The following SLC16A4 variants were observed in gnomAD, a reference collection of about 807,000 sequenced individuals.
SLC16A4 encodes probable monocarboxylate transporter 5.
A neutral mutation model predicts 47.9 loss-of-function variants in SLC16A4; 39 were observed. The observed-to-expected ratio is 0.81, with a 90% CI of 0.63 to 1.06. The LOEUF is 1.06. Among genes scored for constraint, SLC16A4 ranks in the 50% least tolerant of loss-of-function variants. SLC16A4 has a pLI of 0.00. For synonymous variants in SLC16A4, 189 were observed against 199.9 expected, an observed-to-expected ratio of 0.95 and a Z score of 0.46; for missense variants, 524 against 573.8, an observed-to-expected ratio of 0.91 and a Z score of 0.89.
Position 110,380,944 on chromosome 1 carries a change from T to C in SLC16A4, c.526+38A>G, listed in dbSNP as rs768290038. On this transcript the variant is annotated intron_variant, in intron 5 of 8. Coordinates refer to ENST00000369779, the MANE Select transcript of SLC16A4 (RefSeq NM_004696.3). Reference sequence around the variant, plus strand: ...AAGGGAGAAAGCTGAACGCTAAATCTTGCACAGTTGATAGTAAATAAACTT... The same window carrying C: ...AAGGGAGAAAGCTGAACGCTAAATCCTGCACAGTTGATAGTAAATAAACTT... The C allele has an allele frequency of 1.9e-6, 3 of 1,586,868 alleles. No homozygotes were observed. The South Asian group carries it at 3.3e-5, about 18-fold the overall frequency.
At chr1:110,372,178 T>A (rs905414924) in intron 8 of SLC16A4, 1 of 152,190 alleles carries the variant, frequency 6.6e-6, no homozygotes, top group East Asian at 1.9e-4. Flanking sequence ...TGTTACCTTT[T>A]TTTGTCTGTG....
chr1:110,366,101 TACACACACAC>T (rs112827792), intron 8 of SLC16A4, among the ~76,000 whole-genome samples: 24 of 143,940 alleles, frequency 1.7e-4, no homozygotes, highest in South Asian at 1.4e-3. Context: ...CCTTTCATTT[TACACACACAC>T]ACACACACAC....
intron 8 of SLC16A4, among the ~76,000 whole-genome samples, chr1:110,373,721 C>T (rs1661813128): frequency 6.7e-6 from 1 of 149,840 alleles, no homozygotes; most frequent in Admixed American, 6.6e-5. Flanking sequence ...CTCTGTCACC[C>T]AGGCTAGAGT....
At chr1:110,380,951 G>A in intron 5 of SLC16A4, 31 bp downstream of exon 5, 1 of 1,599,588 alleles carries the variant, frequency 6.3e-7, no homozygotes, top group Non-Finnish European at 8.6e-7. Context: ...ATCTTGCACA[G>A]TTGATAGTAA....
intron 5 of SLC16A4, 132 bp downstream of exon 5, chr1:110,380,850 A>G (rs1662339479): frequency 1.3e-6 from 1 of 758,540 alleles, no homozygotes; most frequent in Non-Finnish European, 2.2e-6. Flanking sequence ...TTTAGAAATT[A>G]TGCTCATTTC....
At chr1:110,389,152 G>T in intron 2 of SLC16A4, 85 bp downstream of exon 2, 1 of 1,124,768 alleles carries the variant, frequency 8.9e-7, no homozygotes, top group Non-Finnish European at 1.4e-6. Context: ...TTTCCTAAGT[G>T]ATCCTATTCG....
intron 2 of SLC16A4, among the ~76,000 whole-genome samples, chr1:110,387,227 A>G (rs953302747): frequency 6.6e-6 from 1 of 152,218 alleles, no homozygotes; most frequent in Admixed American, 6.5e-5. Flanking sequence ...GCATATACTC[A>G]TGAGCAATGC....
intron 8 of SLC16A4, among the ~76,000 whole-genome samples, chr1:110,367,622 G>A (rs974518272): frequency 1.3e-5 from 2 of 152,172 alleles, no homozygotes; most frequent in African/African-American, 4.8e-5. Context: ...CTTGAGCCCA[G>A]GAGGTTGAGG....
Position 110,363,643 on chromosome 1 carries a change from A to AT in SLC16A4, c.*122_*123insA. ...TCCGTCTCAAAAAAAAAAAAAAAAA[A>AT]ATTGTTTTCCTTCTCATGTTACAAA... On this transcript the variant is annotated 3_prime_UTR_variant, in exon 9 of 9. Transcript: ENST00000369779. The AT allele has an allele frequency of 9.7e-7, 1 of 1,032,588 alleles. No individual in the cohort carries two copies. The highest frequency in any genetic ancestry group is 1.3e-6 in the Non-Finnish European group (1 of 749,696). 64.0% of individuals were successfully genotyped at this position (1,032,588 alleles called of 1,614,324 possible).
At chr1:110,378,746 T>C in intron 6 of SLC16A4, 107 bp downstream of exon 6, 1 of 1,430,502 alleles carries the variant, frequency 7.0e-7, no homozygotes, top group Non-Finnish European at 9.4e-7. Context: ...CTGGCCCTTC[T>C]ACAATTCCTC....
chr1:110,385,474 A>AT (rs1662683511), intron 2 of SLC16A4, among the ~76,000 whole-genome samples: 1 of 152,206 alleles, frequency 6.6e-6, no homozygotes, highest in Non-Finnish European at 1.5e-5. Flanking sequence ...CCATATCTTT[A>AT]TAACTTCTGG....
chr1:110,388,876 A>G (rs907178463), intron 2 of SLC16A4, among the ~76,000 whole-genome samples: 1 of 152,104 alleles, frequency 6.6e-6, no homozygotes, highest in Non-Finnish European at 1.5e-5. Flanking sequence ...GCACTCAGCT[A>G]ATTTTTGTAT....
chr1:110,377,580 A>G (rs1327477938), intron 6 of SLC16A4, among the ~76,000 whole-genome samples: 1 of 152,196 alleles, frequency 6.6e-6, no homozygotes, highest in Non-Finnish European at 1.5e-5. Flanking sequence ...ATTGTAGAAG[A>G]TTGGAGTATA....
chr1:110,367,807 C>G (rs1195065566), intron 8 of SLC16A4, among the ~76,000 whole-genome samples: 1 of 151,998 alleles, frequency 6.6e-6, no homozygotes, highest in Non-Finnish European at 1.5e-5. Flanking sequence ...ACTTCGGACC[C>G]TAAACGGTTT....
intron 8 of SLC16A4, among the ~76,000 whole-genome samples, chr1:110,368,172 C>A (rs914722881): frequency 6.6e-6 from 1 of 152,308 alleles, no homozygotes; most frequent in South Asian, 2.1e-4. Flanking sequence ...GTTCAGAAGC[C>A]ACTGTATTCT....
chr1:110,379,851 G>A (rs909110142), intron 5 of SLC16A4: 6 of 153,228 alleles, frequency 3.9e-5, no homozygotes, highest in African/African-American at 1.5e-4. Context: ...GAGCCCAGGA[G>A]TTCAGGACCA....
rs190022473 is a variant in SLC16A4 at position 110,363,454 on chromosome 1, G to A, written c.*312C>T. On this transcript the variant is annotated 3_prime_UTR_variant, in exon 9 of 9. Transcript: ENST00000369779. ...ATCCTGGCTAACATGGTGAAACCCC[G>A]CCTCTACTAAAAATACAAAAAATTA... is the stretch of plus-strand genomic sequence containing the variant. The A allele has an allele frequency of 3.3e-3, 569 of 169,916 alleles. 12 individuals are homozygous for A. The highest frequency in any genetic ancestry group is 0.026 in the Admixed American group (405 of 15,666). The allele number at this position is 169,916 out of a possible 1,614,324, so 10.5% of individuals were successfully genotyped here.
chr1:110,367,977 C>T (rs1661483651), intron 8 of SLC16A4, among the ~76,000 whole-genome samples: 3 of 152,004 alleles, frequency 2.0e-5, no homozygotes, highest in Admixed American at 1.3e-4. Flanking sequence ...CATAGGCGTC[C>T]GCCACCGTGC....
intron 5 of SLC16A4, 151 bp downstream of exon 5, chr1:110,380,831 C>G (rs1336637900): frequency 2.9e-5 from 20 of 688,992 alleles, no homozygotes; most frequent in Non-Finnish European, 3.7e-5. Flanking sequence ...GGAAGAGAAG[C>G]ATGTTTACTT....
Sources: allele counts gnomAD v4.1 joint callset (sites outside exome capture counted in the v4.1 genomes callset), GRCh38; gene constraint gnomAD v4.1.1; transcripts MANE v1.5; gene names NCBI Gene and HGNC (gene_info 2026-07-23, HGNC 2026-07-21).